Variants in CSMD1 observed in about 807,000 individuals in gnomAD.
The protein encoded by CSMD1 is CUB and sushi domain-containing protein 1.
CSMD1 carries 213 observed loss-of-function variants against 417.5 expected under a neutral mutation model. That is an observed-to-expected ratio of 0.51 (90% CI 0.46 to 0.57). The LOEUF is 0.57. CSMD1 is among the 20% of genes least tolerant of loss of function. CSMD1 has a pLI of 0.00. For missense variants in CSMD1, 6,923 were observed against 4,529.7 expected, an observed-to-expected ratio of 1.53 and a Z score of -15.17; for synonymous variants, 2,862 against 1,736.8, an observed-to-expected ratio of 1.65 and a Z score of -16.11.
intron 3 of CSMD1, among the ~76,000 whole-genome samples, chr8:4,391,314 G>T (rs1803836122): frequency 6.6e-6 from 1 of 152,150 alleles, no homozygotes; most frequent in Non-Finnish European, 1.5e-5. Flanking sequence ...TTAAGACATG[G>T]TGTGTTTCCT....
At chr8:3,840,422 T>C (rs901457219) in intron 5 of CSMD1, among the ~76,000 whole-genome samples, 1 of 152,200 alleles carries the variant, frequency 6.6e-6, no homozygotes, top group Non-Finnish European at 1.5e-5. Context: ...CGTTGTACTT[T>C]ATTTTATTGT....
intron 5 of CSMD1, among the ~76,000 whole-genome samples, chr8:3,809,170 T>A (rs1417326145): frequency 6.6e-6 from 1 of 152,122 alleles, no homozygotes. Flanking sequence ...ACAGACCTCA[T>A]TCTTACTGTC....
intron 5 of CSMD1, among the ~76,000 whole-genome samples, chr8:3,860,831 T>C (rs566339682): frequency 6.6e-6 from 1 of 152,310 alleles, no homozygotes; most frequent in East Asian, 1.9e-4. Flanking sequence ...AACAAACGTG[T>C]TCTCTAAGAA....
intron 2 of CSMD1, among the ~76,000 whole-genome samples, chr8:4,502,923 A>G (rs759149946): frequency 2.6e-5 from 4 of 152,170 alleles, no homozygotes; most frequent in Non-Finnish European, 5.9e-5. Flanking sequence ...CTTTTAAATT[A>G]TATGTCTGTT....
intron 7 of CSMD1, among the ~76,000 whole-genome samples, chr8:3,686,756 A>C (rs1415549045): frequency 6.6e-6 from 1 of 152,218 alleles, no homozygotes; most frequent in Non-Finnish European, 1.5e-5. Context: ...TCTTTGTCCA[A>C]GCCAGTCTAT....
intron 36 of CSMD1, among the ~76,000 whole-genome samples, chr8:3,184,899 G>C (rs1020346): frequency 7.3e-5 from 11 of 151,712 alleles, no homozygotes; most frequent in Middle Eastern, 6.8e-3. Context: ...AATGCTCTTT[G>C]ACAAGTCCCT....
chr8:4,091,571 C>T (rs181135662), intron 3 of CSMD1, among the ~76,000 whole-genome samples: 2 of 152,146 alleles, frequency 1.3e-5, no homozygotes, highest in Non-Finnish European at 2.9e-5. Flanking sequence ...TCCTTTCTAT[C>T]CCTCAGTATT....
At chr8:3,261,734 A>G (rs1414361473) in intron 26 of CSMD1, among the ~76,000 whole-genome samples, 3 of 152,128 alleles carry the variant, frequency 2.0e-5, no homozygotes, top group Admixed American at 6.6e-5. Flanking sequence ...GTACTGAATG[A>G]AGAGGCCAGT....
intron 3 of CSMD1, among the ~76,000 whole-genome samples, chr8:4,354,986 G>C (rs1015823367): frequency 6.6e-6 from 1 of 151,660 alleles, no homozygotes; most frequent in Non-Finnish European, 1.5e-5. Context: ...TTTGTGGCCA[G>C]GCACGGTGGC....
At chr8:3,896,268 G>T (rs901902058) in intron 5 of CSMD1, among the ~76,000 whole-genome samples, 4 of 152,152 alleles carry the variant, frequency 2.6e-5, no homozygotes, top group African/African-American at 4.8e-5. Context: ...TCCAGAACTT[G>T]TATCTGTCTA....
chr8:3,182,598 G>GTA (rs1563119039), intron 36 of CSMD1, among the ~76,000 whole-genome samples: 5 of 60,038 alleles, frequency 8.3e-5, no homozygotes, highest in Admixed American at 2.5e-4. Flanking sequence ...GTGTGTGTGT[G>GTA]TGTGTGTGTG....
At chr8:4,091,638 GC>G (rs1204604037) in intron 3 of CSMD1, among the ~76,000 whole-genome samples, 1 of 152,084 alleles carries the variant, frequency 6.6e-6, no homozygotes, top group African/African-American at 2.4e-5. Context: ...CCAATAAAGA[GC>G]CCCACAACGA....
intron 55 of CSMD1, among the ~76,000 whole-genome samples, chr8:2,977,418 CA>C (rs1805020480): frequency 6.6e-6 from 1 of 152,210 alleles, no homozygotes; most frequent in South Asian, 2.1e-4. Flanking sequence ...CATGTCTCTG[CA>C]AAGGACATAA....
intron 51 of CSMD1, among the ~76,000 whole-genome samples, chr8:3,025,449 T>C (rs1390770668): frequency 6.6e-6 from 1 of 151,952 alleles, no homozygotes; most frequent in Non-Finnish European, 1.5e-5. Flanking sequence ...TATTGTGTGG[T>C]GTTCTTCTGA....
chr8:4,163,739 G>A (rs1797296334), intron 3 of CSMD1, among the ~76,000 whole-genome samples: 1 of 152,052 alleles, frequency 6.6e-6, no homozygotes, highest in African/African-American at 2.4e-5. Flanking sequence ...TTAATCAGTA[G>A]CACTAATACT....
intron 5 of CSMD1, among the ~76,000 whole-genome samples, chr8:3,888,463 G>A (rs902730599): frequency 4.6e-5 from 7 of 152,160 alleles, no homozygotes; most frequent in Non-Finnish European, 8.8e-5. Context: ...TTAAAAAGAA[G>A]CGCCATTTAG....
chr8:4,718,230 G>C (rs1808815577), intron 1 of CSMD1, among the ~76,000 whole-genome samples: 1 of 152,140 alleles, frequency 6.6e-6, no homozygotes, highest in African/African-American at 2.4e-5. Flanking sequence ...TCCTGTCTCA[G>C]CCTCCCAAAA....
At chr8:4,727,277 G>T (rs1372624056) in intron 1 of CSMD1, among the ~76,000 whole-genome samples, 1 of 152,118 alleles carries the variant, frequency 6.6e-6, no homozygotes, top group Admixed American at 6.5e-5. Context: ...ATGTCTACCG[G>T]TGAAGTCTGT....
At chr8:3,923,291 C>T (rs182474718) in intron 5 of CSMD1, among the ~76,000 whole-genome samples, 1 of 152,228 alleles carries the variant, frequency 6.6e-6, no homozygotes. Flanking sequence ...CCAGGCTGTC[C>T]CTTCCCCATT....
Sources: gnomAD v4.1 joint callset for allele counts (sites outside exome capture counted in the v4.1 genomes callset) on GRCh38, gnomAD v4.1.1 for gene constraint, MANE v1.5 for transcripts, NCBI Gene and HGNC (gene_info 2026-07-23, HGNC 2026-07-21) for gene names.